SRGAP3: variants seen among roughly 807,000 people sequenced by gnomAD.
SRGAP3 encodes SLIT-ROBO Rho GTPase-activating protein 3.
In SRGAP3, 39 loss-of-function variants were observed where a neutral mutation model predicts 121.1. The observed-to-expected ratio is 0.32, with a 90% CI of 0.25 to 0.42. SRGAP3 has a LOEUF of 0.42. SRGAP3 is among the 10% of genes least tolerant of loss of function. The pLI, the probability that SRGAP3 is intolerant of heterozygous loss-of-function variation, is 1.00. For synonymous variants in SRGAP3, 601 were observed against 570.0 expected, an observed-to-expected ratio of 1.05 and a Z score of -0.77; for missense variants, 1,213 against 1,470.6, an observed-to-expected ratio of 0.82 and a Z score of 2.86.
chr3:9,139,912 AG>A (rs2125028807), intron 1 of SRGAP3, among the ~76,000 whole-genome samples: 1 of 152,304 alleles, frequency 6.6e-6, no homozygotes, highest in Non-Finnish European at 1.5e-5. Context: ...AGAGAAGGAC[AG>A]GGGTATTCTA....
chr3:9,121,035 T>C (rs142278512), intron 2 of SRGAP3, among the ~76,000 whole-genome samples: 12 of 152,004 alleles, frequency 7.9e-5, no homozygotes, highest in Non-Finnish European at 1.8e-4. Flanking sequence ...GGGAACTGAG[T>C]CTCCATCCCA....
chr3:9,026,081 C>T (rs1663949473), intron 13 of SRGAP3, among the ~76,000 whole-genome samples: 1 of 152,174 alleles, frequency 6.6e-6, no homozygotes, highest in African/African-American at 2.4e-5. Flanking sequence ...ACTGACCTTC[C>T]TCCCCATGCT....
intron 3 of SRGAP3, among the ~76,000 whole-genome samples, chr3:9,084,909 A>G (rs1947392092): frequency 6.6e-6 from 1 of 152,186 alleles, no homozygotes; most frequent in East Asian, 1.9e-4. Context: ...CGACTAGCAC[A>G]GGCCTGTTGG....
chr3:8,988,758 G>A (rs542850700), intron 21 of SRGAP3, among the ~76,000 whole-genome samples: 118 of 152,314 alleles, frequency 7.7e-4, no homozygotes, highest in African/African-American at 2.7e-3. Flanking sequence ...GGATGCTTTC[G>A]GATGAAACTG....
At chr3:9,279,609 G>T (rs1467242027) in intron 3 of SRGAP3, among the ~76,000 whole-genome samples, 1 of 150,970 alleles carries the variant, frequency 6.6e-6, no homozygotes, top group African/African-American at 2.4e-5. Flanking sequence ...AACCTCCCGG[G>T]TTCAAGCAAT....
intron 3 of SRGAP3, among the ~76,000 whole-genome samples, chr3:9,288,780 T>C (rs1204628584): frequency 6.6e-6 from 1 of 151,820 alleles, no homozygotes; most frequent in Non-Finnish European, 1.5e-5. Flanking sequence ...TCCACTATTT[T>C]GCCCAGGCTG....
chr3:9,177,393 T>C (rs1196249267), intron 1 of SRGAP3, among the ~76,000 whole-genome samples: 2 of 152,012 alleles, frequency 1.3e-5, no homozygotes, highest in African/African-American at 4.8e-5. Flanking sequence ...TCAAGGCCCT[T>C]TGGAAGGAGG....
chr3:9,169,289 C>A (rs1950894348), intron 1 of SRGAP3, among the ~76,000 whole-genome samples: 1 of 152,182 alleles, frequency 6.6e-6, no homozygotes, highest in Non-Finnish European at 1.5e-5. Flanking sequence ...TGAGACATAG[C>A]CCCTGCCCTT....
intron 2 of SRGAP3, among the ~76,000 whole-genome samples, chr3:9,123,552 C>T (rs1244204297): frequency 6.6e-6 from 1 of 151,722 alleles, no homozygotes; most frequent in Non-Finnish European, 1.5e-5. Flanking sequence ...ACTAAAAATA[C>T]AAAGATTAGT....
At position 9,064,507 on chromosome 3, in the gene SRGAP3, C is replaced by T; in HGVS notation, c.561G>A (p.Gln187=). The T allele has an allele frequency of 1.2e-6, 2 of 1,614,212 alleles. No homozygotes were observed. The highest frequency in any genetic ancestry group is 1.7e-6 in the Non-Finnish European group (2 of 1,180,042). ...AESKLKEAEK[Q]EEKQFNKSGD... is the part of the protein sequence containing the mutation. ...CTGACTTATTGAACTGCTTCTCCTC[C>T]TGCTTCTCAGCCTCCTTCAGCTTGC... The change falls in exon 5 of 22, where the codon CAG becomes CAA. Residue 187 remains glutamine, a synonymous_variant. Transcript: ENST00000383836.
chr3:9,033,003 G>A (rs9876330), intron 11 of SRGAP3, among the ~76,000 whole-genome samples: 68,011 of 151,848 alleles, frequency 0.45, 15,381 homozygotes, highest in East Asian at 0.68. Context: ...ATCTTAGGGG[G>A]AATATAGTAC....
intron 13 of SRGAP3, among the ~76,000 whole-genome samples, chr3:9,026,387 A>T (rs1944201066): frequency 1.3e-5 from 2 of 152,198 alleles, no homozygotes; most frequent in Admixed American, 1.3e-4. Context: ...TCATGCCTGT[A>T]TTCCCACTCT....
chr3:9,133,041 ATATAT>A (rs931731473), intron 1 of SRGAP3, among the ~76,000 whole-genome samples: 13 of 148,660 alleles, frequency 8.7e-5, no homozygotes, highest in Non-Finnish European at 1.3e-4. Context: ...ATATTATATG[ATATAT>A]TATATAGATC....
chr3:9,291,188 G>C (rs1399439067), intron 3 of SRGAP3, among the ~76,000 whole-genome samples: 3 of 152,128 alleles, frequency 2.0e-5, no homozygotes, highest in Non-Finnish European at 4.4e-5. Context: ...GGCACTTTCT[G>C]ACTCAAAGTA....
chr3:9,283,202 A>G (rs9830755), intron 3 of SRGAP3, among the ~76,000 whole-genome samples: 2,411 of 152,224 alleles, frequency 0.016, 66 homozygotes, highest in African/African-American at 0.054. Flanking sequence ...TCGGCCTCCC[A>G]AAGTGCTGGG....
intron 3 of SRGAP3, among the ~76,000 whole-genome samples, chr3:9,259,825 TTAAATC>T (rs1954215413): frequency 7.1e-6 from 1 of 139,876 alleles, no homozygotes; most frequent in Non-Finnish European, 1.6e-5. Context: ...TTTAATGAGT[TTAAATC>T]TAAATAGCTG....
chr3:9,096,281 G>C (rs1186535730), intron 3 of SRGAP3, among the ~76,000 whole-genome samples: 1 of 152,096 alleles, frequency 6.6e-6, no homozygotes, highest in Non-Finnish European at 1.5e-5. Context: ...ATTTATATAT[G>C]AATGACAATG....
Position 9,025,378 on chromosome 3 carries a change from C to T in SRGAP3, c.1601-40G>A, listed in dbSNP as rs17049944. On this transcript the variant is annotated intron_variant, in intron 13 of 21. Transcript: ENST00000383836. ...TACAGAAAAAGAAATAGTAAATCCA[C>T]GAGACCTTGAGTTCATTAGACTACC... The T allele has an allele frequency of 2.3e-3, 3,695 of 1,603,456 alleles. 62 individuals carry two copies. In the African/African-American group the frequency reaches 0.043, roughly 19 times the overall value.
At chr3:9,161,296 G>C (rs1257540212) in intron 1 of SRGAP3, among the ~76,000 whole-genome samples, 2 of 152,204 alleles carry the variant, frequency 1.3e-5, no homozygotes, top group African/African-American at 2.4e-5. Flanking sequence ...CTGCTGATAT[G>C]CTCCACTGAA....
Sources: gnomAD v4.1 joint callset for allele counts (sites outside exome capture counted in the v4.1 genomes callset) on GRCh38, gnomAD v4.1.1 for gene constraint, MANE v1.5 for transcripts, NCBI Gene and HGNC (gene_info 2026-07-23, HGNC 2026-07-21) for gene names.